SLIT3: variants seen among roughly 807,000 people sequenced by gnomAD.
The protein encoded by SLIT3 is slit guidance ligand 3.
A neutral mutation model predicts 184.0 loss-of-function variants in SLIT3; 68 were observed. The observed-to-expected ratio is 0.37, with a 90% CI of 0.30 to 0.45. The LOEUF (loss-of-function observed/expected upper bound fraction) is 0.45, where lower values mean the gene tolerates loss of function less well. Ranked by LOEUF, SLIT3 falls within the 20% of genes least tolerant of loss-of-function variation. SLIT3 has a pLI of 1.00. For synonymous variants in SLIT3, 831 were observed against 828.6 expected (o/e 1.00, Z -0.05); for missense variants, 1,707 against 2,026.0 (o/e 0.84, Z 3.02).
At chr5:169,267,870 TAA>T (rs923998736) in intron 1 of SLIT3, among the ~76,000 whole-genome samples, 2 of 152,200 alleles carry the variant, frequency 1.3e-5, no homozygotes, top group African/African-American at 4.8e-5. Context: ...ACATCTTGGT[TAA>T]GTGTCATTTT....
intron 17 of SLIT3, 63 bp downstream of exon 17, chr5:168,753,801 C>T (rs1001280473): frequency 1.9e-6 from 3 of 1,570,982 alleles, no homozygotes; most frequent in African/African-American, 2.7e-5. Flanking sequence ...TAGTCTGTCT[C>T]TAATTCCCCT....
intron 4 of SLIT3, among the ~76,000 whole-genome samples, chr5:169,175,662 C>T (rs1762960127): frequency 6.6e-6 from 1 of 152,216 alleles, no homozygotes; most frequent in African/African-American, 2.4e-5. Flanking sequence ...TGTTCACAGC[C>T]TAATGACTAT....
At chr5:169,023,471 G>A (rs1430005903) in intron 4 of SLIT3, among the ~76,000 whole-genome samples, 2 of 152,160 alleles carry the variant, frequency 1.3e-5, no homozygotes, top group African/African-American at 2.4e-5. Context: ...CTGGGTTGTA[G>A]GATATGTGCA....
intron 10 of SLIT3, among the ~76,000 whole-genome samples, chr5:168,794,703 G>T (rs1041415578): frequency 6.6e-6 from 1 of 152,180 alleles, no homozygotes; most frequent in Non-Finnish European, 1.5e-5. Flanking sequence ...GGTAAAGGAT[G>T]CATGTGATCT....
At chr5:168,710,391 C>T (rs148623982) in intron 25 of SLIT3, among the ~76,000 whole-genome samples, 2,315 of 152,178 alleles carry the variant, frequency 0.015, 33 homozygotes, top group Middle Eastern at 0.034. Context: ...ATAAAAAAAT[C>T]ACATGTACAA....
chr5:169,282,621 T>C (rs1025821992), intron 1 of SLIT3, among the ~76,000 whole-genome samples: 1 of 152,192 alleles, frequency 6.6e-6, no homozygotes, highest in East Asian at 1.9e-4. Context: ...TCACCTATAA[T>C]GGGATAAATA....
intron 4 of SLIT3, among the ~76,000 whole-genome samples, chr5:169,134,589 G>A (rs1761428194): frequency 1.3e-5 from 2 of 152,160 alleles, no homozygotes; most frequent in South Asian, 2.1e-4. Flanking sequence ...ATCACACACT[G>A]GGGCCTGTCG....
intron 12 of SLIT3, among the ~76,000 whole-genome samples, chr5:168,778,111 T>G (rs745606866): frequency 6.6e-6 from 1 of 152,172 alleles, no homozygotes; most frequent in Non-Finnish European, 1.5e-5. Context: ...TCATCCCTGT[T>G]TGAGGAGCAT....
intron 4 of SLIT3, among the ~76,000 whole-genome samples, chr5:168,977,761 T>G (rs1754817397): frequency 6.6e-6 from 1 of 152,032 alleles, no homozygotes; most frequent in Non-Finnish European, 1.5e-5. Context: ...TTAAGTTAAC[T>G]AAATTTGAGT....
At chr5:169,238,821 T>C (rs1356950367) in intron 3 of SLIT3, among the ~76,000 whole-genome samples, 1 of 152,154 alleles carries the variant, frequency 6.6e-6, no homozygotes, top group East Asian at 1.9e-4. Flanking sequence ...GTATTATCAG[T>C]CATTATTACA....
chr5:168,767,235 T>C (rs572478227), intron 14 of SLIT3, among the ~76,000 whole-genome samples: 21 of 151,998 alleles, frequency 1.4e-4, no homozygotes, highest in Admixed American at 1.2e-3. Flanking sequence ...GTAATAAGAG[T>C]CACACCTCAT....
At chr5:168,954,993 G>A (rs1289938861) in intron 4 of SLIT3, among the ~76,000 whole-genome samples, 1 of 150,742 alleles carries the variant, frequency 6.6e-6, no homozygotes, top group Non-Finnish European at 1.5e-5. Flanking sequence ...TTTTCTTCCA[G>A]AGACTTCAGA....
chr5:168,970,499 T>TAA (rs35085723), intron 4 of SLIT3, among the ~76,000 whole-genome samples: 1,901 of 127,408 alleles, frequency 0.015, 39 homozygotes, highest in African/African-American at 0.044. Context: ...CTGTCTCAAA[T>TAA]AAAAAAAAAA....
intron 1 of SLIT3, among the ~76,000 whole-genome samples, chr5:169,268,534 C>T (rs1450354109): frequency 6.6e-6 from 1 of 152,150 alleles, no homozygotes. Context: ...AGCAGAGAAC[C>T]TTTCTTACAC....
At chr5:169,223,961 G>GCCT (rs1764704799) in intron 3 of SLIT3, among the ~76,000 whole-genome samples, 1 of 152,120 alleles carries the variant, frequency 6.6e-6, no homozygotes, top group African/African-American at 2.4e-5. Flanking sequence ...CTGTGTACAA[G>GCCT]GTACACAAAA....
chr5:169,161,102 A>G (rs762347891), intron 4 of SLIT3, among the ~76,000 whole-genome samples: 6 of 152,314 alleles, frequency 3.9e-5, no homozygotes, highest in Non-Finnish European at 7.4e-5. Flanking sequence ...AGCTCCTGGC[A>G]GTGCCAGCAC....
intron 20 of SLIT3, among the ~76,000 whole-genome samples, chr5:168,743,165 C>T (rs1372403498): frequency 2.6e-5 from 4 of 152,208 alleles, no homozygotes; most frequent in Middle Eastern, 3.4e-3. Context: ...GTCTGGGTCG[C>T]GTTCTGTCAC....
At chr5:168,851,057 T>TGA (rs1163675924) in intron 5 of SLIT3, among the ~76,000 whole-genome samples, 6 of 151,462 alleles carry the variant, frequency 4.0e-5, no homozygotes, top group African/African-American at 1.5e-4. Context: ...GGTGCAGCGG[T>TGA]TCACGCCTGT....
At chr5:168,893,436 T>C (rs1334060261) in intron 4 of SLIT3, among the ~76,000 whole-genome samples, 1 of 152,034 alleles carries the variant, frequency 6.6e-6, no homozygotes, top group East Asian at 1.9e-4. Flanking sequence ...GCTAACACTG[T>C]CAATCTGAAA....
Sources: gnomAD v4.1 joint callset for allele counts (sites outside exome capture counted in the v4.1 genomes callset) on GRCh38, gnomAD v4.1.1 for gene constraint, MANE v1.5 for transcripts, NCBI Gene and HGNC (gene_info 2026-07-23, HGNC 2026-07-21) for gene names.